PTGER4: variants seen among roughly 807,000 people sequenced by gnomAD.
PTGER4 encodes prostaglandin E2 receptor EP4 subtype.
PTGER4 carries 11 observed loss-of-function variants against 33.2 expected under a neutral mutation model. That is an observed-to-expected ratio of 0.33 (90% CI 0.21 to 0.55). The LOEUF is 0.55. PTGER4 is among the 20% of genes least tolerant of loss of function. PTGER4 has a pLI of 0.92. For missense variants in PTGER4, 481 were observed against 650.2 expected, an observed-to-expected ratio of 0.74 and a Z score of 2.83; for synonymous variants, 275 against 281.5, an observed-to-expected ratio of 0.98 and a Z score of 0.23.
chr5:40,732,454 T>C, the PTGER4 span, among the ~76,000 whole-genome samples: 1 of 151,694 alleles, frequency 6.6e-6, no homozygotes, highest in Non-Finnish European at 1.5e-5. Flanking sequence ...TTTCTGTAAC[T>C]ATATCAAGTA....
downstream of PTGER4, among the ~76,000 whole-genome samples, chr5:40,697,583 C>CAAAAAAAAAAAAAA: frequency 1.1e-5 from 1 of 94,758 alleles, no homozygotes; most frequent in South Asian, 3.5e-4. Flanking sequence ...AATTCCATCT[C>CAAAAAAAAAAAAAA]AAAAAAAAAA....
the PTGER4 span, among the ~76,000 whole-genome samples, chr5:40,709,210 G>A: frequency 2.0e-5 from 3 of 152,142 alleles, no homozygotes; most frequent in Non-Finnish European, 2.9e-5. Context: ...AAGAAATAAA[G>A]GGTATTCAAT....
At chr5:40,710,645 C>A in the PTGER4 span, among the ~76,000 whole-genome samples, 1 of 152,136 alleles carries the variant, frequency 6.6e-6, no homozygotes, top group South Asian at 2.1e-4. Flanking sequence ...TATTGTGGCA[C>A]TATTCACAAT....
chr5:40,707,350 T>C, the PTGER4 span, among the ~76,000 whole-genome samples: 1 of 150,734 alleles, frequency 6.6e-6, no homozygotes, highest in South Asian at 2.1e-4. Context: ...ACCAAGCAAA[T>C]GGAAAAGAAA....
the PTGER4 span, among the ~76,000 whole-genome samples, chr5:40,732,398 A>G: frequency 6.6e-6 from 1 of 151,836 alleles, no homozygotes; most frequent in Non-Finnish European, 1.5e-5. Context: ...CAAGTCCTGC[A>G]AAAGACAGGA....
the PTGER4 span, chr5:40,715,107 T>G: frequency 6.6e-6 from 1 of 152,094 alleles, no homozygotes; most frequent in Non-Finnish European, 1.5e-5. Context: ...GCTTAAGTTA[T>G]TTATTCATTG....
At chr5:40,702,765 T>C in the PTGER4 span, among the ~76,000 whole-genome samples, 7 of 152,286 alleles carry the variant, frequency 4.6e-5, no homozygotes, top group Admixed American at 3.3e-4. Flanking sequence ...TAATTGGACA[T>C]AAAAACAATC....
the PTGER4 span, among the ~76,000 whole-genome samples, chr5:40,711,638 T>A: frequency 3.9e-5 from 6 of 152,086 alleles, no homozygotes; most frequent in African/African-American, 7.2e-5. Context: ...AACCTAAATG[T>A]CCATCAATAG....
chr5:40,709,089 A>G, the PTGER4 span, among the ~76,000 whole-genome samples: 1 of 152,210 alleles, frequency 6.6e-6, no homozygotes, highest in African/African-American at 2.4e-5. Flanking sequence ...CTGAATGGGC[A>G]AAAACTGGAA....
At chr5:40,684,715 G>T (rs962717725) in intron 2 of PTGER4, among the ~76,000 whole-genome samples, 5 of 152,180 alleles carry the variant, frequency 3.3e-5, no homozygotes, top group African/African-American at 1.2e-4. Flanking sequence ...CATAATTAAT[G>T]ATCAGAGAAG....
At chr5:40,690,119 C>T (rs1035336643) in intron 2 of PTGER4, among the ~76,000 whole-genome samples, 2 of 152,080 alleles carry the variant, frequency 1.3e-5, no homozygotes, top group Admixed American at 6.5e-5. Flanking sequence ...GCGGGCAGAT[C>T]ACTTGAGCTC....
At position 40,681,796 on chromosome 5, in the gene PTGER4, T is replaced by A; in HGVS notation, c.803T>A (p.Ile268Asn). The change falls in exon 2 of 3, where the codon ATC becomes AAC. Residue 268 changes from isoleucine to asparagine, a missense_variant. Around this residue, in one of 7 missense-constraint regions of PTGER4, gnomAD observed 174 missense variants for 210.5 expected, o/e 0.83. Coordinates refer to ENST00000302472, the MANE Select transcript of PTGER4 (RefSeq NM_000958.3). This position sits in a 1 kb window ranked among gnomAD's most constrained non-coding sequence, Gnocchi z 9.8. ...TTCCGCCGCATCGCGGGCGCCGAGA[T>A]CCAGATGGTCATCTTACTCATTGCC... Reference protein sequence around the residue: ...RSFRRIAGAEIQMVILLIATS... With the variant: ...RSFRRIAGAENQMVILLIATS... The A allele has an allele frequency of 1.9e-6, 3 of 1,592,664 alleles. No homozygotes were observed. The highest frequency in any genetic ancestry group is 2.6e-6 in the Non-Finnish European group (3 of 1,172,748).
intron 2 of PTGER4, among the ~76,000 whole-genome samples, chr5:40,682,368 G>C (rs1459672164): frequency 6.6e-6 from 1 of 152,172 alleles, no homozygotes; most frequent in African/African-American, 2.4e-5. Flanking sequence ...CCCGTGGATT[G>C]CGTAGAATTT....
At chr5:40,722,360 G>A in the PTGER4 span, among the ~76,000 whole-genome samples, 2 of 152,026 alleles carry the variant, frequency 1.3e-5, no homozygotes, top group African/African-American at 2.4e-5. Flanking sequence ...TCTCTGCCTG[G>A]CCGCCCATCG....
the PTGER4 span, among the ~76,000 whole-genome samples, chr5:40,733,690 C>A: frequency 6.6e-6 from 1 of 152,142 alleles, no homozygotes; most frequent in Admixed American, 6.5e-5. Flanking sequence ...AGCAAGCCTG[C>A]ACAATAAAGA....
the PTGER4 span, among the ~76,000 whole-genome samples, chr5:40,730,671 C>G: frequency 6.6e-6 from 1 of 152,140 alleles, no homozygotes; most frequent in Non-Finnish European, 1.5e-5. Flanking sequence ...CATGTACTTT[C>G]AGTTCAACAG....
At chr5:40,723,707 A>T in the PTGER4 span, among the ~76,000 whole-genome samples, 1 of 152,036 alleles carries the variant, frequency 6.6e-6, no homozygotes, top group Non-Finnish European at 1.5e-5. Flanking sequence ...TCTACTAAAA[A>T]TACAAAAATT....
At chr5:40,684,003 G>A (rs10043839) in intron 2 of PTGER4, among the ~76,000 whole-genome samples, 55,731 of 151,826 alleles carry the variant, frequency 0.37, 11,567 homozygotes, top group Admixed American at 0.48. Flanking sequence ...GAGAAATAAG[G>A]AATCCTAAAA....
chr5:40,703,655 A>T, the PTGER4 span, among the ~76,000 whole-genome samples: 1 of 152,112 alleles, frequency 6.6e-6, no homozygotes, highest in Non-Finnish European at 1.5e-5. Flanking sequence ...CTGTAATCCC[A>T]GCACTTTGGG....
Sources: allele counts gnomAD v4.1 joint callset (sites outside exome capture counted in the v4.1 genomes callset), GRCh38; gene constraint gnomAD v4.1.1; regional missense constraint gnomAD v4.1.1; non-coding constraint Gnocchi (gnomAD v3.1); transcripts MANE v1.5; gene names NCBI Gene and HGNC (gene_info 2026-07-23, HGNC 2026-07-21).